Variants in SBK1 observed in about 807,000 individuals in gnomAD.
SBK1 encodes SH3 domain binding kinase 1.
In SBK1, 11 loss-of-function variants were observed where a neutral mutation model predicts 24.4. The ratio of observed to expected loss-of-function variants is 0.45; its 90% CI spans 0.28 to 0.75. The LOEUF (loss-of-function observed/expected upper bound fraction) is 0.75, where lower values mean the gene tolerates loss of function less well. Among genes scored for constraint, SBK1 ranks in the 30% least tolerant of loss-of-function variants. The pLI, the probability that SBK1 is intolerant of heterozygous loss-of-function variation, is 0.12. For missense variants in SBK1, 467 were observed against 620.5 expected, an observed-to-expected ratio of 0.75 and a Z score of 2.63; for synonymous variants, 308 against 284.4, an observed-to-expected ratio of 1.08 and a Z score of -0.83.
intron 1 of SBK1, among the ~76,000 whole-genome samples, chr16:28,299,796 A>T (rs994629271): frequency 1.3e-5 from 2 of 152,078 alleles, no homozygotes; most frequent in African/African-American, 2.4e-5. Context: ...AGTGCATCCC[A>T]CTTGGAGTGG....
At chr16:28,261,279 A>T (rs1453866637) in intron 1 of SBK1, among the ~76,000 whole-genome samples, 1 of 152,184 alleles carries the variant, frequency 6.6e-6, no homozygotes, top group Non-Finnish European at 1.5e-5. Context: ...GAATGAATGA[A>T]TGAACGAATA....
intron 1 of SBK1, among the ~76,000 whole-genome samples, chr16:28,277,030 A>AG (rs745926292): frequency 3.2e-4 from 48 of 152,116 alleles, no homozygotes; most frequent in Admixed American, 7.9e-4. Flanking sequence ...GGCAGAGCAG[A>AG]GGGGGGAGTG....
In SBK1 at chr16:28,317,670, G is replaced by C; in HGVS notation, c.226+53G>C. 3 of 1,090,470 alleles carry C rather than the reference G, an allele frequency of 2.8e-6. No individual in the cohort carries two copies. The highest frequency in any genetic ancestry group is 4.2e-6 in the Non-Finnish European group (3 of 712,736). The allele number at this position is 1,090,470 out of a possible 1,614,324, so 67.5% of individuals were successfully genotyped here. The stretch of plus-strand genomic sequence containing the variant: ...AGAGGTTGGGGTGGGGCAGGGCTGG[G>C]AGGTCAGGGTTGGGGGACATGACCT... On this transcript the variant is annotated intron_variant, in intron 2 of 3. Transcript: ENST00000341901. The surrounding 1 kb of genome is among the most constrained non-coding windows in gnomAD (Gnocchi z 4.2).
At chr16:28,294,483 G>A (rs992455763) in intron 1 of SBK1, among the ~76,000 whole-genome samples, 2 of 152,210 alleles carry the variant, frequency 1.3e-5, no homozygotes, top group African/African-American at 4.8e-5. Flanking sequence ...TGTCGCCAAT[G>A]TCTGTGATGG....
chr16:28,290,625 ACT>A (rs1436884009), upstream of SBK1: 4 of 151,918 alleles, frequency 2.6e-5, no homozygotes, highest in Non-Finnish European at 5.9e-5. Context: ...GCAGAGCAAG[ACT>A]CTGTCAAAAA....
upstream of SBK1, among the ~76,000 whole-genome samples, chr16:28,289,017 T>A (rs1287387412): frequency 6.6e-6 from 1 of 152,138 alleles, no homozygotes; most frequent in East Asian, 1.9e-4. Context: ...AGATAAGGAA[T>A]CAGGGAAGGT....
intron 1 of SBK1, among the ~76,000 whole-genome samples, chr16:28,269,286 C>A (rs1358266980): frequency 6.6e-6 from 1 of 151,922 alleles, no homozygotes; most frequent in South Asian, 2.1e-4. Context: ...TCACCAGCCT[C>A]GGCCTCCCAA....
At position 28,320,062 on chromosome 16, in the gene SBK1, C is replaced by G; in HGVS notation, c.430-14C>G. 6.8e-7 allele frequency: 1 copy of G among 1,471,374 alleles called. No homozygotes were observed. 91.1% of individuals were successfully genotyped at this position (1,471,374 alleles called of 1,614,324 possible). A position where few individuals can be genotyped will look rare whatever the true frequency, so the allele number is the denominator to read the frequency against. On this transcript the variant is annotated splice_polypyrimidine_tract_variant and intron_variant, in intron 3 of 3. Transcript: ENST00000341901. The surrounding 1 kb of genome is among the most constrained non-coding windows in gnomAD (Gnocchi z 8.5). Reference sequence around the variant, plus strand: ...AGAGCTGGAAACAGCGCGGCTTCCCCCGGCCGCCCGCAGGTGGGGCTCCCT... The same window carrying G: ...AGAGCTGGAAACAGCGCGGCTTCCCGCGGCCGCCCGCAGGTGGGGCTCCCT...
intron 1 of SBK1, among the ~76,000 whole-genome samples, chr16:28,278,166 C>T (rs531425435): frequency 1.3e-4 from 20 of 152,396 alleles, no homozygotes; most frequent in African/African-American, 4.6e-4. Context: ...GCCATGGCCT[C>T]CGTCTCTCTC....
chr16:28,287,827 C>G (rs1441703762), upstream of SBK1, among the ~76,000 whole-genome samples: 1 of 152,098 alleles, frequency 6.6e-6, no homozygotes, highest in African/African-American at 2.4e-5. Flanking sequence ...CCATGCCCAG[C>G]TAATTTTTGT....
intron 1 of SBK1, among the ~76,000 whole-genome samples, chr16:28,296,931 CT>C (rs1271802650): frequency 1.3e-5 from 2 of 152,174 alleles, no homozygotes; most frequent in African/African-American, 4.8e-5. Flanking sequence ...TGGATGAAAG[CT>C]TCTTGTAGCT....
At position 28,321,182 on chromosome 16, in the gene SBK1, A is replaced by AACAC. The variant is rs55860114; in HGVS notation, c.*314_*317dup. The AACAC allele has an allele frequency of 0.012, 2,250 of 191,796 alleles. 47 individuals are homozygous for AACAC. The highest frequency in any genetic ancestry group is 0.029 in the African/African-American group (954 of 32,450). The allele number at this position is 191,796 out of a possible 1,614,324, so 11.9% of individuals were successfully genotyped here. ...CCCGAGAATTCGGAGGCCACCACACAACACACACACACACACACACACACA... is the reference window on the plus strand; with the variant it reads ...CCCGAGAATTCGGAGGCCACCACACAACACACACACACACACACACACACACACA... On this transcript the variant is annotated 3_prime_UTR_variant, in exon 4 of 4. Transcript: ENST00000341901.
At chr16:28,299,771 A>G (rs546574444) in intron 1 of SBK1, among the ~76,000 whole-genome samples, 52 of 152,288 alleles carry the variant, frequency 3.4e-4, no homozygotes, top group African/African-American at 1.2e-3. Context: ...GGGTTTGTTC[A>G]GGTTTGGGGT....
intron 1 of SBK1, among the ~76,000 whole-genome samples, chr16:28,270,677 C>T (rs2044459434): frequency 6.6e-6 from 1 of 151,900 alleles, no homozygotes; most frequent in African/African-American, 2.4e-5. Flanking sequence ...CCCATTTCAG[C>T]CTCCCAAAGT....
intron 1 of SBK1, among the ~76,000 whole-genome samples, chr16:28,267,009 C>A (rs925600429): frequency 1.3e-5 from 2 of 151,998 alleles, no homozygotes; most frequent in Non-Finnish European, 2.9e-5. Context: ...AGGGTTCAAT[C>A]GATTCTCCTG....
intron 1 of SBK1, among the ~76,000 whole-genome samples, chr16:28,303,148 G>A (rs1178435425): frequency 6.7e-6 from 1 of 150,372 alleles, no homozygotes; most frequent in Non-Finnish European, 1.5e-5. Flanking sequence ...GCAGAGGGAG[G>A]CAGAATATGG....
intron 1 of SBK1, among the ~76,000 whole-genome samples, chr16:28,274,965 A>G (rs1160463583): frequency 2.6e-5 from 4 of 152,196 alleles, no homozygotes; most frequent in African/African-American, 9.7e-5. Context: ...TAAACATGGT[A>G]TGTAGGAAAT....
intron 1 of SBK1, among the ~76,000 whole-genome samples, chr16:28,280,143 ATATATATG>A (rs1306762815): frequency 1.7e-5 from 1 of 57,228 alleles, no homozygotes; most frequent in African/African-American, 4.8e-5. Context: ...ATATATATAT[ATATATATG>A]TGTGTGTGTG....
intron 1 of SBK1, among the ~76,000 whole-genome samples, chr16:28,273,433 C>T (rs180845009): frequency 6.6e-6 from 1 of 152,186 alleles, no homozygotes; most frequent in East Asian, 1.9e-4. Context: ...TTTGGCCAGG[C>T]TGGTCTCAAC....
Sources: allele counts gnomAD v4.1 joint callset (sites outside exome capture counted in the v4.1 genomes callset), GRCh38; gene constraint gnomAD v4.1.1; non-coding constraint Gnocchi (gnomAD v3.1); transcripts MANE v1.5; gene names NCBI Gene and HGNC (gene_info 2026-07-23, HGNC 2026-07-21).